The following ATRX variants were observed in gnomAD, a reference collection of about 807,000 sequenced individuals.
ATRX encodes the protein chromatin remodeler ATRX.
Under a neutral mutation model 172.6 loss-of-function variants are expected in ATRX, and 12 were observed. The observed-to-expected ratio is 0.07, with a 90% CI of 0.04 to 0.11. The LOEUF (loss-of-function observed/expected upper bound fraction) is 0.11, where lower values mean the gene tolerates loss of function less well. Among genes scored for constraint, ATRX ranks in the 10% least tolerant of loss-of-function variants. The pLI is 1.00. For synonymous variants in ATRX, 674 were observed against 594.7 expected (o/e 1.13, Z -1.94); for missense variants, 1,368 against 1,767.4 (o/e 0.77, Z 4.05).
At chrX:77,711,507 G>A (rs187550720) in intron 2 of ATRX, among the ~76,000 whole-genome samples, 3 of 112,485 alleles carry the variant, frequency 2.7e-5, no homozygotes, top group Middle Eastern at 4.7e-3. Context: ...TAATAAGTAC[G>A]TTAAGCAAGT....
At chrX:77,696,774 A>G in intron 4 of ATRX, 70 bp from the exon 5 acceptor site, 1 of 1,084,840 alleles carries the variant, frequency 9.2e-7, no homozygotes, top group Non-Finnish European at 1.3e-6. Flanking sequence ...AAGAACATAA[A>G]TAACATGTTG....
intron 30 of ATRX, among the ~76,000 whole-genome samples, chrX:77,530,216 G>A (rs1453881866): frequency 1.8e-5 from 2 of 111,458 alleles, no homozygotes; most frequent in Admixed American, 9.6e-5. Context: ...TGAAATTAAG[G>A]TAGAAATCAA....
chrX:77,579,044 G>A (rs1335884271), intron 27 of ATRX, among the ~76,000 whole-genome samples: 2 of 112,698 alleles, frequency 1.8e-5, no homozygotes, highest in East Asian at 5.6e-4. Context: ...GCCACGAAGA[G>A]AGGCTCCTCT....
intron 27 of ATRX, among the ~76,000 whole-genome samples, chrX:77,585,083 T>C (rs977094605): frequency 9.0e-6 from 1 of 110,870 alleles, no homozygotes; most frequent in Non-Finnish European, 1.9e-5. Context: ...ATCAGAAAAA[T>C]GCAAATCAAA....
chrX:77,588,231 A>G (rs1307934223), intron 27 of ATRX, among the ~76,000 whole-genome samples: 1 of 112,243 alleles, frequency 8.9e-6, no homozygotes, highest in Non-Finnish European at 1.9e-5. Flanking sequence ...CCACAGCAAA[A>G]GACTGAAGTT....
Position 77,683,792 on chromosome X carries a change from A to G in ATRX, c.1464T>C (p.Ser488=), listed in dbSNP as rs3134917. ...CAGATTTCTTATGTTCACCACCGGTACTTTTATTTGTTCTTTGTTCCTCTG... is the reference window on the plus strand; with the variant it reads ...CAGATTTCTTATGTTCACCACCGGTGCTTTTATTTGTTCTTTGTTCCTCTG... ...VPTEEQRTNK[S]TGGEHKKSDR... Residue 488 remains serine, a synonymous_variant, in exon 9 of 35, where the codon AGT becomes AGC. Coordinates refer to ENST00000373344, the MANE Select transcript of ATRX (RefSeq NM_000489.6). 5 of 1,210,159 alleles carry G rather than the reference A, an allele frequency of 4.1e-6. No homozygotes were observed. The highest frequency in any genetic ancestry group is 5.6e-6 in the Non-Finnish European group (5 of 893,996).
intron 19 of ATRX, among the ~76,000 whole-genome samples, chrX:77,630,471 T>C (rs1242961171): frequency 8.9e-6 from 1 of 112,143 alleles, no homozygotes; most frequent in East Asian, 2.8e-4. Context: ...GTAGGACTTC[T>C]TCCTGATTGC....
chrX:77,720,775 G>A (rs2073716478), intron 1 of ATRX, among the ~76,000 whole-genome samples: 1 of 111,724 alleles, frequency 9.0e-6, no homozygotes, highest in Admixed American at 9.5e-5. Context: ...CATTCCTTCT[G>A]AAACTATTCC....
chrX:77,740,571 T>C (rs1397554052), intron 1 of ATRX, among the ~76,000 whole-genome samples: 1 of 110,781 alleles, frequency 9.0e-6, no homozygotes, highest in East Asian at 2.8e-4. Flanking sequence ...GCTTATAGCC[T>C]TCCTGTCTCA....
At chrX:77,576,476 A>G (rs1388360483) in intron 27 of ATRX, among the ~76,000 whole-genome samples, 2 of 111,328 alleles carry the variant, frequency 1.8e-5, no homozygotes, top group African/African-American at 6.5e-5. Context: ...CGGGGAAATG[A>G]GAAAGATAAA....
chrX:77,705,186 G>T (rs1464128061), intron 2 of ATRX, among the ~76,000 whole-genome samples: 7 of 111,441 alleles, frequency 6.3e-5, no homozygotes, highest in Non-Finnish European at 1.3e-4. Context: ...GGGAGGGTGG[G>T]TCTCCTGCCT....
At chrX:77,628,306 T>C (rs2067963556) in intron 19 of ATRX, among the ~76,000 whole-genome samples, 2 of 113,062 alleles carry the variant, frequency 1.8e-5, no homozygotes, top group South Asian at 7.1e-4. Flanking sequence ...TGGAACATTC[T>C]TCTAAAAACA....
In ATRX at chrX:77,766,342, G is replaced by T. The variant is rs781800763; in HGVS notation, c.20+19640C>A. 4.6e-4 allele frequency among the ~76,000 whole-genome samples: 51 copies of T among 110,997 alleles called. 1 individual carries two copies. The East Asian group carries it at 0.015, about 32-fold the overall frequency. On this transcript the variant is annotated intron_variant, in intron 1 of 34. Transcript: ENST00000373344. ...GGCTGACCCCCCCACCTCCCTCCTGGACGGGGTGGCTGCCGGGCGGAGACG... is the reference window on the plus strand; with the variant it reads ...GGCTGACCCCCCCACCTCCCTCCTGTACGGGGTGGCTGCCGGGCGGAGACG...
Position 77,521,440 on chromosome X carries a change from A to C in ATRX, c.7034T>G (p.Val2345Gly). 1 of 1,210,132 alleles carries C rather than the reference A, an allele frequency of 8.3e-7. No individual in the cohort carries two copies. Among genetic ancestry groups the C allele is most frequent in the Non-Finnish European group, 1.1e-6 (1 of 894,141 alleles). Residue 2345 changes from valine to glycine, a missense_variant, in exon 33 of 35, where the codon GTG becomes GGG. Physicochemically the swap from Val to Gly is moderately radical, Grantham distance 109 (BLOSUM62 -3). Coordinates refer to ENST00000373344, the MANE Select transcript of ATRX (RefSeq NM_000489.6). ...VVEATNSVTAVRIQPLEDIIS... is the reference protein window; with the variant it reads ...VVEATNSVTAGRIQPLEDIIS... ...TATATCCTCAAGAGGTTGAATCCTC[A>C]CTGCTGTCACACTGTTTGTTGCTTC...
intron 6 of ATRX, among the ~76,000 whole-genome samples, chrX:77,690,031 C>T (rs997666339): frequency 8.9e-6 from 1 of 111,850 alleles, no homozygotes; most frequent in South Asian, 3.7e-4. Flanking sequence ...AGGTCCAAAG[C>T]GCCATGGACC....
intron 1 of ATRX, among the ~76,000 whole-genome samples, chrX:77,754,170 T>C (rs184929576): frequency 9.0e-6 from 1 of 111,559 alleles, no homozygotes; most frequent in Non-Finnish European, 1.9e-5. Context: ...CCCTTTTTTT[T>C]TTGTTTTTTC....
chrX:77,608,250 T>C (rs1360248967), intron 22 of ATRX, among the ~76,000 whole-genome samples: 1 of 108,030 alleles, frequency 9.3e-6, no homozygotes, highest in Non-Finnish European at 1.9e-5. Flanking sequence ...GTGCCTGTAG[T>C]CCCAGCTACT....
chrX:77,527,697 G>A lies in ATRX; in HGVS notation c.6700-4296C>T, dbSNP rs191506269. ...TACAGGGAGCCAAGCAGCATGGCTCGGCAGGCCCCATTTCCATCGCACCTC... is the reference window on the plus strand; with the variant it reads ...TACAGGGAGCCAAGCAGCATGGCTCAGCAGGCCCCATTTCCATCGCACCTC... On this transcript the variant is annotated intron_variant, in intron 30 of 34. Transcript: ENST00000373344. Among the ~76,000 whole-genome samples the A allele has an allele frequency of 8.9e-4, 99 of 111,570 alleles. 1 individual carries two copies. Among genetic ancestry groups the A allele is most frequent in the African/African-American group, 3.1e-3 (95 of 30,712 alleles).
chrX:77,558,530 C>T (rs1489248308), intron 29 of ATRX, 139 bp downstream of exon 29: 2 of 528,748 alleles, frequency 3.8e-6, no homozygotes, highest in Non-Finnish European at 6.0e-6. Context: ...AAAGCCAAAA[C>T]TGACTTCTGC....
Sources: gnomAD v4.1 joint callset for allele counts (sites outside exome capture counted in the v4.1 genomes callset) on GRCh38, gnomAD v4.1.1 for gene constraint, MANE v1.5 for transcripts, NCBI Gene and HGNC (gene_info 2026-07-23, HGNC 2026-07-21) for gene names.